Variants in HPSE2 observed in about 807,000 individuals in gnomAD.
HPSE2 encodes the protein inactive heparanase-2.
HPSE2 carries 38 observed loss-of-function variants against 60.5 expected under a neutral mutation model. The observed-to-expected ratio is 0.63, with a 90% CI of 0.48 to 0.82. The LOEUF is 0.82. HPSE2 is among the 40% of genes least tolerant of loss of function. HPSE2 has a pLI of 0.00. For missense variants in HPSE2, 713 were observed against 740.4 expected (o/e 0.96, Z 0.43); for synonymous variants, 295 against 293.2 (o/e 1.01, Z -0.06).
At chr10:99,250,079 G>A in the HPSE2 span, among the ~76,000 whole-genome samples, 1 of 150,468 alleles carries the variant, frequency 6.6e-6, no homozygotes, top group African/African-American at 2.5e-5. Context: ...GAAGGTGGAG[G>A]TCACAGTGAG....
chr10:99,105,484 T>C (rs1015437588), intron 3 of HPSE2, among the ~76,000 whole-genome samples: 1 of 152,036 alleles, frequency 6.6e-6, no homozygotes, highest in South Asian at 2.1e-4. Flanking sequence ...GGTTTTTTTT[T>C]ATAATCGAGT....
At chr10:98,474,660 G>A (rs1033134605) in intron 11 of HPSE2, among the ~76,000 whole-genome samples, 1 of 152,140 alleles carries the variant, frequency 6.6e-6, no homozygotes, top group Non-Finnish European at 1.5e-5. Context: ...AAAAAAAGAT[G>A]TGCATTTCTT....
intron 3 of HPSE2, among the ~76,000 whole-genome samples, chr10:99,143,349 A>T (rs924934834): frequency 2.0e-4 from 30 of 151,334 alleles, no homozygotes; most frequent in African/African-American, 7.0e-4. Context: ...GAAGTCTGTA[A>T]AAAAAAAAGT....
chr10:98,725,998 A>G (rs1949067350), intron 4 of HPSE2, among the ~76,000 whole-genome samples: 1 of 152,202 alleles, frequency 6.6e-6, no homozygotes, highest in Admixed American at 6.5e-5. Flanking sequence ...GGTGCTGGAG[A>G]GGATGTGGAG....
At chr10:98,813,448 TTGTG>T (rs781751513) in intron 3 of HPSE2, among the ~76,000 whole-genome samples, 49 of 152,266 alleles carry the variant, frequency 3.2e-4, no homozygotes, top group Non-Finnish European at 5.3e-4. Flanking sequence ...CTCCAAAACA[TTGTG>T]AAGTTGAGGA....
intron 6 of HPSE2, among the ~76,000 whole-genome samples, chr10:98,649,146 G>C (rs1353947272): frequency 6.6e-6 from 1 of 152,120 alleles, no homozygotes; most frequent in Non-Finnish European, 1.5e-5. Context: ...GTAAATTGGG[G>C]GTTGCTTATA....
chr10:98,614,166 T>C (rs1488568276), intron 9 of HPSE2, among the ~76,000 whole-genome samples: 1 of 152,176 alleles, frequency 6.6e-6, no homozygotes, highest in Non-Finnish European at 1.5e-5. Context: ...GCTTTCAACA[T>C]GTTGCATTTG....
chr10:98,497,636 T>C (rs1482142629), intron 9 of HPSE2, among the ~76,000 whole-genome samples: 2 of 152,198 alleles, frequency 1.3e-5, no homozygotes, highest in African/African-American at 4.8e-5. Flanking sequence ...ATAATCAATA[T>C]ACATATTTTC....
rs778681889 is a variant in HPSE2, at chr10:99,235,755, G to A, written c.48C>T (p.Ser16=). 34 of 1,613,834 alleles carry A rather than the reference G, an allele frequency of 2.1e-5. 1 individual carries two copies. The South Asian group carries it at 3.7e-4, about 18-fold the overall frequency. Residue 16 remains serine, a synonymous_variant, in exon 1 of 12, where the codon TCC becomes TCT. Transcript: ENST00000370552. The part of the protein sequence containing the change: ...AFPEAMPSSN[S]RPPACLAPGA... Reference sequence around the variant, plus strand: ...CCGGGGCTAGGCACGCGGGGGGGCGGGAGTTGCTGGAGGGCATGGCTTCAG... The same window carrying A: ...CCGGGGCTAGGCACGCGGGGGGGCGAGAGTTGCTGGAGGGCATGGCTTCAG...
intron 3 of HPSE2, among the ~76,000 whole-genome samples, chr10:99,119,881 C>A (rs1844877456): frequency 6.6e-6 from 1 of 152,210 alleles, no homozygotes. Context: ...GCTGGACTAA[C>A]TGGCTAGCCA....
At chr10:99,020,433 C>T (rs1358938269) in intron 3 of HPSE2, among the ~76,000 whole-genome samples, 1 of 152,184 alleles carries the variant, frequency 6.6e-6, no homozygotes, top group African/African-American at 2.4e-5. Context: ...TCTCCTGGCT[C>T]CCAGCCCAGT....
At chr10:98,561,459 A>G (rs1944180318) in intron 9 of HPSE2, among the ~76,000 whole-genome samples, 1 of 152,204 alleles carries the variant, frequency 6.6e-6, no homozygotes, top group African/African-American at 2.4e-5. Flanking sequence ...TGTTAGGCTA[A>G]ATATTATTAT....
intron 2 of HPSE2, among the ~76,000 whole-genome samples, chr10:99,184,817 T>TATATATATATATATATATACATAC: frequency 5.8e-5 from 1 of 17,200 alleles, no homozygotes; most frequent in Admixed American, 7.8e-4. Flanking sequence ...TATATATATA[T>TATATATATATATATATATACATAC]ATAGAGAGAG....
chr10:99,271,578 A>G, the HPSE2 span, among the ~76,000 whole-genome samples: 1 of 152,192 alleles, frequency 6.6e-6, no homozygotes, highest in South Asian at 2.1e-4. Context: ...GCCAAAAGCA[A>G]TCTACAAATT....
At chr10:98,489,046 A>G (rs182362487) in intron 10 of HPSE2, among the ~76,000 whole-genome samples, 215 of 151,954 alleles carry the variant, frequency 1.4e-3, no homozygotes, top group Non-Finnish European at 2.4e-3. Context: ...TGTACTAGGT[A>G]CTCCCCTTGA....
chr10:99,287,652 C>T, the HPSE2 span, among the ~76,000 whole-genome samples: 6 of 152,210 alleles, frequency 3.9e-5, no homozygotes, highest in Non-Finnish European at 5.9e-5. Flanking sequence ...AGGATTATCA[C>T]ACCAACTTCA....
intron 3 of HPSE2, among the ~76,000 whole-genome samples, chr10:99,142,947 T>TAC (rs942366801): frequency 7.9e-5 from 12 of 151,764 alleles, no homozygotes; most frequent in Middle Eastern, 3.4e-3. Context: ...TGGAAAATAT[T>TAC]ACACACACAC....
chr10:99,048,340 T>C, intron 3 of HPSE2: 1 of 349,746 alleles, frequency 2.9e-6, no homozygotes, highest in Non-Finnish European at 5.3e-6. Context: ...GCTGGTCAGT[T>C]AATAAATAGT....
intron 3 of HPSE2, among the ~76,000 whole-genome samples, chr10:98,765,386 T>C (rs1224395612): frequency 6.6e-6 from 1 of 152,156 alleles, no homozygotes; most frequent in Admixed American, 6.5e-5. Context: ...ATTGGGAAAT[T>C]AAACTACTGC....
Sources: gnomAD v4.1 joint callset for allele counts (sites outside exome capture counted in the v4.1 genomes callset) on GRCh38, gnomAD v4.1.1 for gene constraint, MANE v1.5 for transcripts, NCBI Gene and HGNC (gene_info 2026-07-23, HGNC 2026-07-21) for gene names.